GRIK2: variants seen among roughly 807,000 people sequenced by gnomAD.
The protein encoded by GRIK2 is glutamate receptor ionotropic, kainate 2.
Under a neutral mutation model 100.3 loss-of-function variants are expected in GRIK2, and 32 were observed. The ratio of observed to expected loss-of-function variants is 0.32; its 90% CI spans 0.24 to 0.43. The LOEUF (loss-of-function observed/expected upper bound fraction) is 0.43, where lower values mean the gene tolerates loss of function less well. GRIK2 is among the 20% of genes least tolerant of loss of function. The pLI, the probability that GRIK2 is intolerant of heterozygous loss-of-function variation, is 1.00. For synonymous variants in GRIK2, 417 were observed against 389.4 expected (o/e 1.07, Z -0.83); for missense variants, 843 against 1,114.9 (o/e 0.76, Z 3.47).
At position 102,000,034 on chromosome 6, in the gene GRIK2, G is replaced by A. The variant is rs1794853326; in HGVS notation, c.2086-35307G>A. Among the ~76,000 whole-genome samples the A allele has an allele frequency of 2.0e-5, 3 of 151,854 alleles. No homozygotes were observed. The East Asian group carries it at 5.9e-4, about 30-fold the overall frequency. On this transcript the variant is annotated intron_variant, in intron 14 of 16. Coordinates refer to ENST00000369134, the MANE Select transcript of GRIK2 (RefSeq NM_021956.5). ...CAAATTGGTCTTTTTTTTGTATAGT[G>A]TTGAATCTACTTGTTAACATTTTCT...
intron 12 of GRIK2, among the ~76,000 whole-genome samples, chr6:101,897,376 T>C (rs1276613086): frequency 6.6e-6 from 1 of 151,794 alleles, no homozygotes; most frequent in Non-Finnish European, 1.5e-5. Flanking sequence ...GATAGCAACA[T>C]TTTTTCATAG....
chr6:101,529,479 A>C (rs992839465), intron 2 of GRIK2, among the ~76,000 whole-genome samples: 4 of 152,064 alleles, frequency 2.6e-5, no homozygotes. Context: ...ATTTAGGATA[A>C]GTTACATAAT....
chr6:101,740,476 T>C (rs1453545625), intron 7 of GRIK2, among the ~76,000 whole-genome samples: 2 of 152,218 alleles, frequency 1.3e-5, no homozygotes, highest in Non-Finnish European at 2.9e-5. Flanking sequence ...AACTGCATTC[T>C]ACATTTGTGT....
chr6:102,039,625 T>C (rs777380847), intron 15 of GRIK2, among the ~76,000 whole-genome samples: 19 of 151,482 alleles, frequency 1.3e-4, no homozygotes, highest in Non-Finnish European at 2.1e-4. Flanking sequence ...TTTGGCTGCA[T>C]TGCTTCTCTC....
chr6:101,659,211 A>G (rs1425786779), intron 4 of GRIK2, among the ~76,000 whole-genome samples: 1 of 152,224 alleles, frequency 6.6e-6, no homozygotes, highest in Non-Finnish European at 1.5e-5. Flanking sequence ...GAAGGGATCC[A>G]GATTCAGTTT....
chr6:101,440,160 T>TCC (rs1769963244), intron 2 of GRIK2, among the ~76,000 whole-genome samples: 1 of 152,072 alleles, frequency 6.6e-6, no homozygotes, highest in Non-Finnish European at 1.5e-5. Context: ...GAAAAATATT[T>TCC]CCCTGGAAAA....
chr6:101,561,963 T>A (rs1777042231), intron 2 of GRIK2, among the ~76,000 whole-genome samples: 1 of 152,160 alleles, frequency 6.6e-6, no homozygotes. Flanking sequence ...GTCATCCTTA[T>A]AAAAGGATGG....
At chr6:101,649,016 T>C (rs1194817494) in intron 4 of GRIK2, among the ~76,000 whole-genome samples, 1 of 152,100 alleles carries the variant, frequency 6.6e-6, no homozygotes, top group Non-Finnish European at 1.5e-5. Context: ...AACTGCCCCA[T>C]GACTCAATTA....
intron 4 of GRIK2, among the ~76,000 whole-genome samples, chr6:101,672,240 T>C (rs2518295): frequency 0.41 from 62,234 of 152,006 alleles, 15,674 homozygotes; most frequent in African/African-American, 0.71. Context: ...AATTCAATAA[T>C]CATTTTTTAA....
At chr6:101,821,006 C>T (rs951988250) in intron 10 of GRIK2, among the ~76,000 whole-genome samples, 5 of 151,910 alleles carry the variant, frequency 3.3e-5, no homozygotes, top group Admixed American at 6.6e-5. Flanking sequence ...TTCTCAATGT[C>T]GGAGAAAAGT....
intron 12 of GRIK2, among the ~76,000 whole-genome samples, chr6:101,902,477 G>A (rs894956900): frequency 3.3e-5 from 5 of 151,854 alleles, no homozygotes; most frequent in African/African-American, 1.2e-4. Flanking sequence ...TAAAGTAAAT[G>A]TCAGTTTATC....
At chr6:101,722,275 ATCTT>A (rs1465341588) in intron 7 of GRIK2, among the ~76,000 whole-genome samples, 2 of 152,014 alleles carry the variant, frequency 1.3e-5, no homozygotes, top group Non-Finnish European at 1.5e-5. Context: ...TATCTACTAA[ATCTT>A]TCTATTAGGT....
At chr6:101,765,613 A>G (rs1778000656) in intron 7 of GRIK2, among the ~76,000 whole-genome samples, 1 of 152,152 alleles carries the variant, frequency 6.6e-6, no homozygotes, top group Non-Finnish European at 1.5e-5. Context: ...GCCTGGAGGC[A>G]GGTACCTGCT....
chr6:101,798,752 T>C (rs1224239360), intron 7 of GRIK2, among the ~76,000 whole-genome samples: 2 of 151,976 alleles, frequency 1.3e-5, no homozygotes, highest in Non-Finnish European at 1.5e-5. Flanking sequence ...GTGGCTGTCT[T>C]TTCTAGGTAG....
chr6:101,748,899 C>T (rs1562354977), intron 7 of GRIK2, among the ~76,000 whole-genome samples: 1 of 152,090 alleles, frequency 6.6e-6, no homozygotes, highest in Non-Finnish European at 1.5e-5. Context: ...AAAACTCCAA[C>T]ATTTTAGCCT....
rs191374645 is a variant in GRIK2 at position 101,685,992 on chromosome 6, C to T, written c.778-188C>T. Among the ~76,000 whole-genome samples the T allele has an allele frequency of 1.7e-3, 253 of 152,048 alleles. 2 individuals are homozygous for T. Among genetic ancestry groups the T allele is most frequent in the African/African-American group, 5.5e-3 (229 of 41,486 alleles). ...TATACATAGATTTTTACATACGGAG[C>T]ATGTATCTCTGCAATGCCAAAGCAT... is the stretch of plus-strand genomic sequence containing the variant. On this transcript the variant is annotated intron_variant, in intron 6 of 16. Coordinates refer to ENST00000369134, the MANE Select transcript of GRIK2 (RefSeq NM_021956.5).
chr6:101,857,068 A>T (rs1265469934), intron 10 of GRIK2, among the ~76,000 whole-genome samples: 1 of 152,194 alleles, frequency 6.6e-6, no homozygotes, highest in Non-Finnish European at 1.5e-5. Flanking sequence ...AGCCTGGTCT[A>T]GCAGGGTGGA....
intron 5 of GRIK2, among the ~76,000 whole-genome samples, chr6:101,678,193 C>T (rs2128340622): frequency 6.6e-6 from 1 of 152,168 alleles, no homozygotes; most frequent in South Asian, 2.1e-4. Flanking sequence ...GATCAGCTGT[C>T]TTTTCTCTAA....
At chr6:101,946,847 A>G (rs1791310821) in intron 14 of GRIK2, among the ~76,000 whole-genome samples, 1 of 152,088 alleles carries the variant, frequency 6.6e-6, no homozygotes, top group African/African-American at 2.4e-5. Flanking sequence ...AAACTTTTTG[A>G]TATCTTCATG....
Sources: gnomAD v4.1 joint callset for allele counts (sites outside exome capture counted in the v4.1 genomes callset) on GRCh38, gnomAD v4.1.1 for gene constraint, MANE v1.5 for transcripts, NCBI Gene and HGNC (gene_info 2026-07-23, HGNC 2026-07-21) for gene names.